EPG5: variants seen among roughly 807,000 people sequenced by gnomAD.
The protein encoded by EPG5 is ectopic P-granules 5 autophagy tethering factor.
Under a neutral mutation model 302.7 loss-of-function variants are expected in EPG5, and 159 were observed. The ratio of observed to expected loss-of-function variants is 0.53; its 90% confidence interval spans 0.46 to 0.60. The LOEUF is 0.60. Ranked by LOEUF, EPG5 falls within the 20% of genes least tolerant of loss-of-function variation. The pLI is 0.00. For synonymous variants in EPG5, 1,158 were observed against 1,136.8 expected (o/e 1.02, Z -0.37); for missense variants, 2,896 against 3,092.4 (o/e 0.94, Z 1.51).
intron 9 of EPG5, among the ~76,000 whole-genome samples, chr18:45,941,342 A>ATGCCAAGTAGGATGAAGAG (rs1296750581): frequency 1.3e-4 from 20 of 152,336 alleles, no homozygotes; most frequent in Non-Finnish European, 2.6e-4. Context: ...AGAGACCCAG[A>ATGCCAAGTAGGATGAAGAG]ACTGGCCACT....
At chr18:45,913,902 C>T (rs1599559861) in intron 20 of EPG5, 74 bp from the exon 21 acceptor site, 7 of 1,542,410 alleles carry the variant, frequency 4.5e-6, no homozygotes, top group Non-Finnish European at 6.1e-6. Context: ...TGATATTCCA[C>T]AATTTAAATC....
chr18:45,910,502 G>A lies in EPG5; in HGVS notation c.4205+19C>T, dbSNP rs1268742474. Reference sequence around the variant, plus strand: ...TGTGCTGCAAACAACAATGTAGGTGGCTAAATAACCATACTCACCTCACCA... The same window carrying A: ...TGTGCTGCAAACAACAATGTAGGTGACTAAATAACCATACTCACCTCACCA... On this transcript the variant is annotated intron_variant, in intron 23 of 43. Coordinates refer to ENST00000282041, the MANE Select transcript of EPG5 (RefSeq NM_020964.3). 2 of 1,560,786 alleles carry A rather than the reference G, an allele frequency of 1.3e-6. No individual in the cohort carries two copies. Among genetic ancestry groups the A allele is most frequent in the Non-Finnish European group, 1.7e-6 (2 of 1,151,064 alleles).
At chr18:45,950,974 G>C (rs2050895593) in intron 4 of EPG5, 128 bp downstream of exon 4, 2 of 640,098 alleles carry the variant, frequency 3.1e-6, no homozygotes, top group Admixed American at 4.0e-5. Context: ...TCAAAGAAAA[G>C]TCATTAATAA....
chr18:45,862,755 A>G (rs747240759), intron 39 of EPG5, among the ~76,000 whole-genome samples: 2 of 152,252 alleles, frequency 1.3e-5, no homozygotes, highest in Non-Finnish European at 2.9e-5. Context: ...CTCCAGAACC[A>G]TAAGCCAATT....
intron 11 of EPG5, among the ~76,000 whole-genome samples, chr18:45,932,659 A>G (rs768974596): frequency 4.7e-4 from 72 of 152,358 alleles, no homozygotes; most frequent in Non-Finnish European, 7.8e-4. Context: ...AAGATTAAGC[A>G]AAGGAGAAGA....
At chr18:45,946,185 C>T (rs539967424) in intron 7 of EPG5, among the ~76,000 whole-genome samples, 6 of 152,234 alleles carry the variant, frequency 3.9e-5, no homozygotes, top group African/African-American at 1.4e-4. Context: ...CATCTTCTAC[C>T]TTTCAAATGA....
the EPG5 span, among the ~76,000 whole-genome samples, chr18:45,839,816 C>G: frequency 1.6e-3 from 241 of 152,278 alleles, no homozygotes; most frequent in African/African-American, 5.5e-3. Flanking sequence ...CCCTGTGCCC[C>G]AGAGAGGGAG....
intron 24 of EPG5, among the ~76,000 whole-genome samples, chr18:45,905,653 T>C (rs1004509493): frequency 2.0e-5 from 3 of 152,058 alleles, no homozygotes; most frequent in Admixed American, 1.3e-4. Context: ...TTATAAACCA[T>C]AAAAATACAA....
At chr18:45,892,202 C>T (rs1419566185) in intron 27 of EPG5, among the ~76,000 whole-genome samples, 1 of 151,180 alleles carries the variant, frequency 6.6e-6, no homozygotes, top group Non-Finnish European at 1.5e-5. Context: ...AAGTTTAGAC[C>T]CTCTCACAAA....
intron 25 of EPG5, among the ~76,000 whole-genome samples, chr18:45,902,742 A>C (rs1422660064): frequency 6.6e-6 from 1 of 152,196 alleles, no homozygotes; most frequent in African/African-American, 2.4e-5. Flanking sequence ...AATTTTGTTT[A>C]GAAGTACAAG....
At position 45,887,880 on chromosome 18, in the gene EPG5, C is replaced by T; in HGVS notation, c.4980G>A (p.Gln1660=). ...ITALVNAYKL[Q]PTPGIQKVGI... ...CAACTTTCTGAATCCCAGGTGTAGG[C>T]TGCAACTTGTAGGCATTCACTAAGG... Residue 1660 remains glutamine, a synonymous_variant, in exon 29 of 44, where the codon CAG becomes CAA. Transcript: ENST00000282041. The T allele has an allele frequency of 1.3e-6, 2 of 1,588,652 alleles. No homozygotes were observed. The highest frequency in any genetic ancestry group is 1.7e-6 in the Non-Finnish European group (2 of 1,161,322).
chr18:45,833,414 T>G, the EPG5 span, among the ~76,000 whole-genome samples: 1 of 152,190 alleles, frequency 6.6e-6, no homozygotes, highest in South Asian at 2.1e-4. Flanking sequence ...CCTCCTGGGC[T>G]CAAGCAATCT....
intron 38 of EPG5, 30 bp downstream of exon 38, chr18:45,866,768 C>T: frequency 6.4e-7 from 1 of 1,554,206 alleles, no homozygotes; most frequent in Non-Finnish European, 8.9e-7. Context: ...CAGGAACAGT[C>T]TCTGCCTTTT....
intron 13 of EPG5, among the ~76,000 whole-genome samples, chr18:45,927,613 C>T (rs9961711): frequency 3.3e-5 from 5 of 151,490 alleles, no homozygotes; most frequent in African/African-American, 1.2e-4. Context: ...CACACACACA[C>T]ACACACACAC....
At chr18:45,837,145 C>G in the EPG5 span, 1 of 1,601,478 alleles carries the variant, frequency 6.2e-7, no homozygotes. Context: ...GTTTTAACCA[C>G]GAGATCCCAG....
chr18:45,928,285 T>G (rs1417079887), intron 13 of EPG5, among the ~76,000 whole-genome samples: 1 of 152,060 alleles, frequency 6.6e-6, no homozygotes, highest in African/African-American at 2.4e-5. Context: ...ATTGACTGTG[T>G]TGAGAGTTGC....
chr18:45,889,534 T>C (rs1162783082), intron 28 of EPG5, among the ~76,000 whole-genome samples: 1 of 152,228 alleles, frequency 6.6e-6, no homozygotes, highest in Non-Finnish European at 1.5e-5. Flanking sequence ...TTCTGCTTTA[T>C]ATCTCTGTTA....
chr18:45,809,674 C>T, the EPG5 span, among the ~76,000 whole-genome samples: 1 of 152,090 alleles, frequency 6.6e-6, no homozygotes, highest in Non-Finnish European at 1.5e-5. Context: ...TTGAACTAAA[C>T]GACAATAGTG....
At chr18:45,906,051 A>G (rs2049742848) in intron 24 of EPG5, among the ~76,000 whole-genome samples, 1 of 152,100 alleles carries the variant, frequency 6.6e-6, no homozygotes, top group African/African-American at 2.4e-5. Flanking sequence ...TAATCTACAT[A>G]TTCTCTTACC....
Sources: gnomAD v4.1 joint callset for allele counts (sites outside exome capture counted in the v4.1 genomes callset) on GRCh38, gnomAD v4.1.1 for gene constraint, MANE v1.5 for transcripts, NCBI Gene and HGNC (gene_info 2026-07-23, HGNC 2026-07-21) for gene names.